The following RBMS3 variants were observed in gnomAD, a reference collection of about 807,000 sequenced individuals.
RBMS3 encodes RNA binding motif single stranded interacting protein 3, also known as RNA-binding motif, single-stranded-interacting protein 3.
A neutral mutation model predicts 66.8 loss-of-function variants in RBMS3; 27 were observed. That is an observed-to-expected ratio of 0.40 (90% confidence interval 0.30 to 0.56). The LOEUF is 0.56. RBMS3 is among the 20% of genes least tolerant of loss of function. RBMS3 has a pLI of 0.40. For missense variants in RBMS3, 513 were observed against 549.5 expected, an observed-to-expected ratio of 0.93 and a Z score of 0.66; for synonymous variants, 188 against 183.0, an observed-to-expected ratio of 1.03 and a Z score of -0.22.
intron 4 of RBMS3, among the ~76,000 whole-genome samples, chr3:29,724,533 T>C (rs2053774421): frequency 6.6e-6 from 1 of 152,162 alleles, no homozygotes; most frequent in South Asian, 2.1e-4. Context: ...TGTCATTACA[T>C]GTTCACAGCT....
intron 4 of RBMS3, among the ~76,000 whole-genome samples, chr3:29,597,563 C>T (rs1211325682): frequency 6.6e-6 from 1 of 152,174 alleles, no homozygotes; most frequent in East Asian, 1.9e-4. Flanking sequence ...GACTTAACCA[C>T]ACCGTGAAAC....
chr3:29,330,088 G>A (rs1256864219), intron 1 of RBMS3, among the ~76,000 whole-genome samples: 1 of 151,980 alleles, frequency 6.6e-6, no homozygotes, highest in Non-Finnish European at 1.5e-5. Context: ...AATAGACCAG[G>A]CATTCAGAGC....
intron 2 of RBMS3, among the ~76,000 whole-genome samples, chr3:29,450,916 C>A (rs1033471189): frequency 8.4e-5 from 10 of 119,696 alleles, no homozygotes; most frequent in Admixed American, 5.0e-4. Context: ...CACACACACA[C>A]ACACACACAC....
At chr3:29,360,943 C>T (rs2037547084) in intron 1 of RBMS3, among the ~76,000 whole-genome samples, 1 of 151,970 alleles carries the variant, frequency 6.6e-6, no homozygotes, top group Admixed American at 6.6e-5. Context: ...ATGTGTGTCT[C>T]TGCATGTGAG....
At chr3:29,964,316 G>T (rs1696682531) in intron 12 of RBMS3, among the ~76,000 whole-genome samples, 2 of 152,148 alleles carry the variant, frequency 1.3e-5, no homozygotes, top group South Asian at 4.1e-4. Context: ...ATGGTATGTA[G>T]AGGACTCCAA....
chr3:29,551,224 CAT>C (rs1167484439), intron 3 of RBMS3, among the ~76,000 whole-genome samples: 1 of 152,118 alleles, frequency 6.6e-6, no homozygotes, highest in Non-Finnish European at 1.5e-5. Context: ...TTTTGATTGA[CAT>C]ATAGATCTTT....
At chr3:29,915,758 T>A (rs1463538632) in intron 10 of RBMS3, among the ~76,000 whole-genome samples, 1 of 152,016 alleles carries the variant, frequency 6.6e-6, no homozygotes, top group Admixed American at 6.6e-5. Context: ...TAATCTGTGC[T>A]ATCTAATTAC....
chr3:29,989,774 A>AATATATGATTAAATTTCAT (rs776229644), intron 13 of RBMS3, among the ~76,000 whole-genome samples: 53 of 152,230 alleles, frequency 3.5e-4, no homozygotes, highest in Non-Finnish European at 5.9e-4. Flanking sequence ...GAATTGCAAG[A>AATATATGATTAAATTTCAT]ATATATGATT....
chr3:29,431,262 A>G (rs1166388678), intron 1 of RBMS3, among the ~76,000 whole-genome samples: 4 of 151,264 alleles, frequency 2.6e-5, no homozygotes, highest in Non-Finnish European at 5.9e-5. Flanking sequence ...ATACTAAAGA[A>G]TAGTTGAGAA....
At chr3:29,608,611 A>G (rs965535437) in intron 4 of RBMS3, among the ~76,000 whole-genome samples, 2 of 152,088 alleles carry the variant, frequency 1.3e-5, no homozygotes, top group Non-Finnish European at 2.9e-5. Flanking sequence ...AGTTTTATAC[A>G]TAGTTTAACA....
chr3:29,757,082 A>C (rs1440705071), intron 5 of RBMS3, among the ~76,000 whole-genome samples: 1 of 152,142 alleles, frequency 6.6e-6, no homozygotes, highest in East Asian at 1.9e-4. Flanking sequence ...GTGGGGATGA[A>C]AGTTCCAACC....
chr3:29,843,605 T>C (rs1411103469), intron 6 of RBMS3, among the ~76,000 whole-genome samples: 1 of 152,158 alleles, frequency 6.6e-6, no homozygotes, highest in African/African-American at 2.4e-5. Context: ...CCTTCATTAG[T>C]TGAAAATGAA....
At chr3:29,547,947 A>G (rs1307571891) in intron 3 of RBMS3, among the ~76,000 whole-genome samples, 1 of 151,412 alleles carries the variant, frequency 6.6e-6, no homozygotes, top group East Asian at 1.9e-4. Flanking sequence ...GGCATGCACC[A>G]CCACCCCTGG....
intron 4 of RBMS3, among the ~76,000 whole-genome samples, chr3:29,729,252 T>C (rs2054021887): frequency 6.6e-6 from 1 of 151,882 alleles, no homozygotes; most frequent in Non-Finnish European, 1.5e-5. Flanking sequence ...TTTGGTTTTC[T>C]GTTCCTGTGT....
chr3:29,629,302 G>A (rs2049192707), intron 4 of RBMS3, among the ~76,000 whole-genome samples: 1 of 152,082 alleles, frequency 6.6e-6, no homozygotes, highest in South Asian at 2.1e-4. Context: ...CTATTTTAAT[G>A]AGGGCAAATT....
At chr3:29,676,475 G>A (rs568757920) in intron 4 of RBMS3, among the ~76,000 whole-genome samples, 6 of 151,988 alleles carry the variant, frequency 3.9e-5, no homozygotes, top group Admixed American at 1.3e-4. Context: ...CACCTGTTAC[G>A]CCTCTCTTCC....
intron 6 of RBMS3, 64 bp downstream of exon 6, chr3:29,763,053 G>A: frequency 3.4e-6 from 4 of 1,160,678 alleles, no homozygotes; most frequent in African/African-American, 1.6e-5. Flanking sequence ...ATTAGAATAA[G>A]TACATTGTAA....
intron 6 of RBMS3, among the ~76,000 whole-genome samples, chr3:29,781,428 C>T (rs769039033): frequency 5.3e-5 from 8 of 151,784 alleles, no homozygotes; most frequent in Non-Finnish European, 7.4e-5. Flanking sequence ...GGTTTTATAC[C>T]GCATTTTATT....
chr3:29,993,857 G>C (rs899375749), intron 14 of RBMS3, among the ~76,000 whole-genome samples: 4 of 152,034 alleles, frequency 2.6e-5, no homozygotes, highest in African/African-American at 9.7e-5. Context: ...GTAGATCATG[G>C]GACTTCTCAA....
Sources: gnomAD v4.1 joint callset for allele counts (sites outside exome capture counted in the v4.1 genomes callset) on GRCh38, gnomAD v4.1.1 for gene constraint, MANE v1.5 for transcripts, NCBI Gene and HGNC (gene_info 2026-07-23, HGNC 2026-07-21) for gene names.